PPIP5K2: variants seen among roughly 807,000 people sequenced by gnomAD.
PPIP5K2 encodes diphosphoinositol pentakisphosphate kinase 2, also known as inositol hexakisphosphate and diphosphoinositol-pentakisphosphate kinase 2.
In PPIP5K2, 105 loss-of-function variants were observed where a neutral mutation model predicts 154.6. The ratio of observed to expected loss-of-function variants is 0.68; its 90% CI spans 0.58 to 0.80. The LOEUF (loss-of-function observed/expected upper bound fraction) is 0.80. Among genes scored for constraint, PPIP5K2 ranks in the 30% least tolerant of loss-of-function variants. The probability of loss-of-function intolerance (pLI) is 0.00; values close to 1 mark genes in which losing one functional copy is unlikely to be tolerated. For missense variants in PPIP5K2, 992 were observed against 1,504.6 expected, an observed-to-expected ratio of 0.66 and a Z score of 5.64; for synonymous variants, 480 against 490.3, an observed-to-expected ratio of 0.98 and a Z score of 0.28.
At chr5:103,191,709 A>G (rs1218178599) in intron 29 of PPIP5K2, among the ~76,000 whole-genome samples, 3 of 152,098 alleles carry the variant, frequency 2.0e-5, no homozygotes, top group African/African-American at 7.2e-5. Flanking sequence ...ATTTGGGGAA[A>G]TGCTCAGGGC....
At chr5:103,180,328 A>G in intron 24 of PPIP5K2, 140 bp downstream of exon 24, 5 of 593,524 alleles carry the variant, frequency 8.4e-6, no homozygotes, top group Non-Finnish European at 1.3e-5. Context: ...TTTTTAAATA[A>G]ATTACAAAAA....
At chr5:103,122,616 A>G (rs964110420) in intron 1 of PPIP5K2, among the ~76,000 whole-genome samples, 1 of 152,170 alleles carries the variant, frequency 6.6e-6, no homozygotes, top group African/African-American at 2.4e-5. Context: ...TGGATGTACT[A>G]TTGGTGGAAA....
intron 2 of PPIP5K2, among the ~76,000 whole-genome samples, chr5:103,130,491 A>G (rs1790435469): frequency 6.6e-6 from 1 of 152,206 alleles, no homozygotes; most frequent in Non-Finnish European, 1.5e-5. Flanking sequence ...AATAGTAAAA[A>G]CAAACCAAAA....
At position 103,211,905 on chromosome 5, in the gene PPIP5K2, T is replaced by C. The variant is rs1554232603; in HGVS notation, c.*10271T>C. On this transcript the variant is annotated 3_prime_UTR_variant, in exon 31 of 31. Coordinates refer to ENST00000358359, the MANE Select transcript of PPIP5K2 (RefSeq NM_001276277.3). ...AGATAAAATATTTATTTTGGAAATA[T>C]ATGTTACAGGTGAAAAGCAAGAATT... 1 of 152,172 alleles carries C rather than the reference T, an allele frequency of 6.6e-6. No individual in the cohort carries two copies. Among genetic ancestry groups the C allele is most frequent in the Non-Finnish European group, 1.5e-5 (1 of 67,992 alleles). 9.4% of individuals were successfully genotyped at this position (152,172 alleles called of 1,614,324 possible).
Position 103,174,092 on chromosome 5 carries a change from G to A in PPIP5K2, c.2529+120G>A, listed in dbSNP as rs921364430. ...TCCTTAAGTTTTACTACTTAATGTC[G>A]TCTTTCAAGGGACTACTATATACCA... On this transcript the variant is annotated intron_variant, in intron 21 of 30. Coordinates refer to ENST00000358359, the MANE Select transcript of PPIP5K2 (RefSeq NM_001276277.3). The A allele has an allele frequency of 8.4e-5, 62 of 739,400 alleles. 2 individuals carry two copies. The highest frequency in any genetic ancestry group is 2.3e-4 in the South Asian group (12 of 51,558). The allele number at this position is 739,400 out of a possible 1,614,324, so 45.8% of individuals were successfully genotyped here.
At position 103,208,329 on chromosome 5, in the gene PPIP5K2, T is replaced by G. The variant is rs1388731834; in HGVS notation, c.*6695T>G. 6.6e-6 allele frequency: 1 copy of G among 152,208 alleles called. No homozygotes were observed. The allele number at this position is 152,208 out of a possible 1,614,324, so 9.4% of individuals were successfully genotyped here. ...TGGTCTCGAACTCCTGACCTCATGA[T>G]CTTCCTGCCTCAGCCTCCCAAAATG... On this transcript the variant is annotated 3_prime_UTR_variant, in exon 31 of 31. Coordinates refer to ENST00000358359, the MANE Select transcript of PPIP5K2 (RefSeq NM_001276277.3).
chr5:103,160,714 T>C lies in PPIP5K2; in HGVS notation c.1920+1386T>C, dbSNP rs138107662. On this transcript the variant is annotated intron_variant, in intron 17 of 30. Transcript: ENST00000358359. Reference sequence around the variant, plus strand: ...GCCACATTTGACCTGCAGGCTATAGTTTGTTGATCCATGTACTACTTTATG... The same window carrying C: ...GCCACATTTGACCTGCAGGCTATAGCTTGTTGATCCATGTACTACTTTATG... Among the ~76,000 whole-genome samples the C allele has an allele frequency of 3.2e-3, 486 of 152,306 alleles. 5 individuals carry two copies. The highest frequency in any genetic ancestry group is 0.011 in the African/African-American group (457 of 41,580).
At chr5:103,162,761 T>G (rs1434380216) in intron 17 of PPIP5K2, among the ~76,000 whole-genome samples, 18 of 152,148 alleles carry the variant, frequency 1.2e-4, no homozygotes, top group African/African-American at 4.3e-4. Context: ...TTGTTTAAGA[T>G]ATCTTTTTCG....
chr5:103,142,057 G>A (rs1792806249), intron 5 of PPIP5K2, among the ~76,000 whole-genome samples: 1 of 152,200 alleles, frequency 6.6e-6, no homozygotes, highest in Non-Finnish European at 1.5e-5. Context: ...TTGGGTGGTC[G>A]ATGGGACTGG....
chr5:103,137,160 T>C lies in PPIP5K2; in HGVS notation c.401+338T>C, dbSNP rs987823194. ...AAATTAGGACTTTACTCATTATAAC[T>C]AGATTTTTTTTTTTTTTTTTGAGAT... On this transcript the variant is annotated intron_variant, in intron 4 of 30. Transcript: ENST00000358359. Among the ~76,000 whole-genome samples, 7 of 151,192 alleles carry C rather than the reference T, an allele frequency of 4.6e-5. No homozygotes were observed. The South Asian group carries it at 1.0e-3, about 22-fold the overall frequency.
intron 19 of PPIP5K2, among the ~76,000 whole-genome samples, chr5:103,169,445 C>G (rs1311706087): frequency 2.6e-5 from 4 of 151,696 alleles, no homozygotes; most frequent in African/African-American, 7.2e-5. Flanking sequence ...ATAACTGTCC[C>G]TTTCCTAATA....
chr5:103,175,697 T>C (rs1798602107), intron 21 of PPIP5K2, among the ~76,000 whole-genome samples: 1 of 152,026 alleles, frequency 6.6e-6, no homozygotes, highest in African/African-American at 2.4e-5. Context: ...GGACAGCAGA[T>C]AGGTGAAAGT....
intron 24 of PPIP5K2, among the ~76,000 whole-genome samples, chr5:103,182,617 G>A (rs1799717713): frequency 2.0e-5 from 3 of 152,154 alleles, no homozygotes; most frequent in Admixed American, 2.0e-4. Context: ...TTTGCTGCAT[G>A]TTTTGCCTAC....
At chr5:103,195,893 G>C (rs557435850) in intron 30 of PPIP5K2, among the ~76,000 whole-genome samples, 5 of 152,132 alleles carry the variant, frequency 3.3e-5, no homozygotes, top group Non-Finnish European at 7.4e-5. Flanking sequence ...GAGAAACCTA[G>C]ATTAAAATCT....
Position 103,210,663 on chromosome 5 carries a change from A to T in PPIP5K2, c.*9029A>T, listed in dbSNP as rs1562533134. The T allele has an allele frequency of 6.6e-6, 1 of 152,078 alleles. No individual in the cohort carries two copies. Among genetic ancestry groups the T allele is most frequent in the African/African-American group, 2.4e-5 (1 of 41,436 alleles). The allele number at this position is 152,078 out of a possible 1,614,324, so 9.4% of individuals were successfully genotyped here. On this transcript the variant is annotated 3_prime_UTR_variant, in exon 31 of 31. Coordinates refer to ENST00000358359, the MANE Select transcript of PPIP5K2 (RefSeq NM_001276277.3). Reference sequence around the variant, plus strand: ...TTGAACAATTATTGAGGTAAATAACATACCCTAAAAGTTAGTACTGATTCC... The same window carrying T: ...TTGAACAATTATTGAGGTAAATAACTTACCCTAAAAGTTAGTACTGATTCC...
chr5:103,177,428 G>T (rs1798891778), intron 21 of PPIP5K2, among the ~76,000 whole-genome samples: 1 of 151,890 alleles, frequency 6.6e-6, no homozygotes, highest in Admixed American at 6.6e-5. Flanking sequence ...TTGGATTTTG[G>T]ATTTTCAAGT....
chr5:103,138,273 A>G (rs545394767), intron 4 of PPIP5K2, 111 bp from the exon 5 acceptor site: 1 of 507,306 alleles, frequency 2.0e-6, no homozygotes, highest in Non-Finnish European at 3.3e-6. Context: ...GTTGAGATAT[A>G]TACCCTTTTT....
chr5:103,156,346 A>G (rs1554213450), intron 14 of PPIP5K2, among the ~76,000 whole-genome samples: 1 of 152,170 alleles, frequency 6.6e-6, no homozygotes. Flanking sequence ...AAGAAAGGCC[A>G]AGAAGTACAA....
At chr5:103,124,433 T>C (rs1211454239) in intron 1 of PPIP5K2, among the ~76,000 whole-genome samples, 1 of 152,198 alleles carries the variant, frequency 6.6e-6, no homozygotes, top group Non-Finnish European at 1.5e-5. Context: ...TGCTCTTTAG[T>C]ATAATGGCCT....
Sources: allele counts gnomAD v4.1 joint callset (sites outside exome capture counted in the v4.1 genomes callset), GRCh38; gene constraint gnomAD v4.1.1; transcripts MANE v1.5; gene names NCBI Gene and HGNC (gene_info 2026-07-23, HGNC 2026-07-21).